The following OOEP variants were observed in gnomAD, a reference collection of about 807,000 sequenced individuals.
OOEP encodes the protein oocyte-expressed protein homolog.
OOEP carries 16 observed loss-of-function variants against 13.7 expected under a neutral mutation model. That is an observed-to-expected ratio of 1.16 (90% CI 0.79 to 1.77). OOEP has a LOEUF of 1.77. Ranked by LOEUF, OOEP falls within the 40% of genes most tolerant of loss-of-function variation. The pLI is 0.00. For missense variants in OOEP, 195 were observed against 193.1 expected, an observed-to-expected ratio of 1.01 and a Z score of -0.06; for synonymous variants, 89 against 77.1, an observed-to-expected ratio of 1.15 and a Z score of -0.81.
chr6:73,374,233 G>A (rs993276845), upstream of OOEP, among the ~76,000 whole-genome samples: 2 of 151,918 alleles, frequency 1.3e-5, no homozygotes, highest in Admixed American at 1.3e-4. Flanking sequence ...TTTTTTAATG[G>A]AGGAAAGGGG....
chr6:73,375,686 C>G (rs1372915291), intron 2 of OOEP, among the ~76,000 whole-genome samples: 1 of 150,410 alleles, frequency 6.6e-6, no homozygotes. Flanking sequence ...AAAGAGAAAT[C>G]TGCCATCATT....
chr6:73,385,114 A>G (rs1342700059), intron 2 of OOEP, among the ~76,000 whole-genome samples: 1 of 151,496 alleles, frequency 6.6e-6, no homozygotes, highest in African/African-American at 2.4e-5. Context: ...TGGGAGGCCA[A>G]GGTGGGCAGA....
At chr6:73,378,793 G>A in intron 2 of OOEP, among the ~76,000 whole-genome samples, 1 of 151,634 alleles carries the variant, frequency 6.6e-6, no homozygotes, top group Non-Finnish European at 1.5e-5. Context: ...GAGCCCAGGA[G>A]GTGGAGTTTA....
chr6:73,370,902 C>T (rs905194057), upstream of OOEP, among the ~76,000 whole-genome samples: 2 of 152,130 alleles, frequency 1.3e-5, no homozygotes, highest in Non-Finnish European at 2.9e-5. Context: ...CCATCTCAGC[C>T]TCCTGAGTAG....
intron 2 of OOEP, among the ~76,000 whole-genome samples, chr6:73,388,119 T>G (rs776755030): frequency 5.3e-5 from 8 of 152,186 alleles, no homozygotes; most frequent in Non-Finnish European, 7.3e-5. Flanking sequence ...TCAGGTGATC[T>G]GTCCGCCTCG....
At chr6:73,374,524 A>C (rs1381892393), upstream of OOEP, among the ~76,000 whole-genome samples, 2 of 152,212 alleles carry the variant, frequency 1.3e-5, no homozygotes, top group African/African-American at 2.4e-5. Context: ...TTGTAGTCAA[A>C]CACATACTTC....
At chr6:73,385,893 A>G (rs1254286445) in intron 2 of OOEP, among the ~76,000 whole-genome samples, 5 of 151,552 alleles carry the variant, frequency 3.3e-5, no homozygotes, top group African/African-American at 1.2e-4. Flanking sequence ...GCCAAAAGCT[A>G]TTTTCAAAAA....
At chr6:73,389,124 G>GCACCAAT in intron 2 of OOEP, among the ~76,000 whole-genome samples, 1 of 152,216 alleles carries the variant, frequency 6.6e-6, no homozygotes, top group Admixed American at 6.5e-5. Context: ...ATGCAGACCC[G>GCACCAAT]GGAGCTTTGA....
intron 2 of OOEP, among the ~76,000 whole-genome samples, chr6:73,387,412 G>T (rs1769288626): frequency 6.6e-6 from 1 of 151,930 alleles, no homozygotes; most frequent in Non-Finnish European, 1.5e-5. Context: ...TACTTGGGAA[G>T]CCAAGGCAGG....
In OOEP at chr6:73,369,746, G is replaced by A. The variant is rs202097636; in HGVS notation, c.47C>T (p.Thr16Ile). The A allele has an allele frequency of 4.3e-6, 7 of 1,613,908 alleles. No homozygotes were observed. Among genetic ancestry groups the A allele is most frequent in the Admixed American group, 1.7e-5 (1 of 60,012 alleles). The part of the protein sequence containing the change: ...GAAESQRGKQ[T>I]PAHSLEQLRR... ...CAGCTGCTCCAGGGAGTGGGCCGGAGTCTGTTTGCCCCGCTGGGACTCAGC... is the reference window on the plus strand; with the variant it reads ...CAGCTGCTCCAGGGAGTGGGCCGGAATCTGTTTGCCCCGCTGGGACTCAGC... The change falls in exon 1 of 3, where the codon ACT becomes ATT. Residue 16 changes from threonine (T) to isoleucine (I), a missense_variant. Transcript: ENST00000370359.
exon 1 of OOEP, chr6:73,394,824 T>G (rs956462513): frequency 7.7e-6 from 12 of 1,553,762 alleles, no homozygotes; most frequent in Admixed American, 1.9e-5. Flanking sequence ...GTGGCTTCCC[T>G]GGCACGCTAC....
At chr6:73,369,980 C>G (rs1769024724), upstream of OOEP, 1 of 591,446 alleles carries the variant, frequency 1.7e-6, no homozygotes. Context: ...TTGGACACTT[C>G]CTGCGCTGCT....
chr6:73,374,327 T>A (rs1769104692), upstream of OOEP, among the ~76,000 whole-genome samples: 2 of 152,164 alleles, frequency 1.3e-5, no homozygotes. Context: ...GAGGCCCCAG[T>A]ATGACTAGGC....
At chr6:73,373,189 C>T (rs1582624707), upstream of OOEP, 1 of 1,612,406 alleles carries the variant, frequency 6.2e-7, no homozygotes, top group Admixed American at 1.7e-5. Context: ...TCCGAATCCA[C>T]TGGGGAATGG....
chr6:73,395,048 G>T (rs1417076201), exon 1 of OOEP: 1 of 1,614,126 alleles, frequency 6.2e-7, no homozygotes, highest in Non-Finnish European at 8.5e-7. Flanking sequence ...GTCGGCAGAG[G>T]TGGTCGCTGG....
At chr6:73,374,517 T>C (rs752348735), upstream of OOEP, among the ~76,000 whole-genome samples, 1 of 152,240 alleles carries the variant, frequency 6.6e-6, no homozygotes. Context: ...CCTGAAATTG[T>C]AGTCAAACAC....
intron 2 of OOEP, among the ~76,000 whole-genome samples, chr6:73,392,364 C>T (rs963505563): frequency 6.6e-6 from 1 of 152,082 alleles, no homozygotes; most frequent in Non-Finnish European, 1.5e-5. Flanking sequence ...AGTGCAATGG[C>T]GCAATCTTGG....
At chr6:73,395,097 T>C (rs1393897611), upstream of OOEP, 9 of 1,614,096 alleles carry the variant, frequency 5.6e-6, no homozygotes, top group Non-Finnish European at 7.6e-6. Context: ...TGGCCGCTGG[T>C]CACGAGGAAC....
intron 2 of OOEP, among the ~76,000 whole-genome samples, chr6:73,393,627 C>T (rs1769382626): frequency 6.6e-6 from 1 of 152,052 alleles, no homozygotes; most frequent in Non-Finnish European, 1.5e-5. Context: ...GAGTTGGATA[C>T]CAGCCCGGGC....
Sources: gnomAD v4.1 joint callset for allele counts (sites outside exome capture counted in the v4.1 genomes callset) on GRCh38, gnomAD v4.1.1 for gene constraint, MANE v1.5 for transcripts, NCBI Gene and HGNC (gene_info 2026-07-23, HGNC 2026-07-21) for gene names.